KCNIP4: variants seen among roughly 807,000 people sequenced by gnomAD.
KCNIP4 encodes potassium voltage-gated channel interacting protein 4.
KCNIP4 carries 12 observed loss-of-function variants against 34.0 expected under a neutral mutation model. That is an observed-to-expected ratio of 0.35 (90% CI 0.23 to 0.57). KCNIP4 has a LOEUF of 0.57. Ranked by LOEUF, KCNIP4 falls within the 20% of genes least tolerant of loss-of-function variation. The probability of loss-of-function intolerance (pLI) is 0.83; values close to 1 mark genes in which losing one functional copy is unlikely to be tolerated. For missense variants in KCNIP4, 238 were observed against 311.7 expected, an observed-to-expected ratio of 0.76 and a Z score of 1.78; for synonymous variants, 124 against 102.2, an observed-to-expected ratio of 1.21 and a Z score of -1.29.
chr4:21,215,011 C>T (rs1757458640), intron 1 of KCNIP4, among the ~76,000 whole-genome samples: 1 of 152,100 alleles, frequency 6.6e-6, no homozygotes. Context: ...ATGCAGTGTT[C>T]ACTAGTAGCC....
chr4:20,789,976 G>A (rs189721384), intron 3 of KCNIP4, among the ~76,000 whole-genome samples: 10 of 152,192 alleles, frequency 6.6e-5, no homozygotes, highest in Admixed American at 6.5e-4. Context: ...ACTTAATGAT[G>A]GAGATACTTT....
rs530633802 is a variant in KCNIP4 at position 21,125,505 on chromosome 4, G to A, written c.62-242796C>T. Among the ~76,000 whole-genome samples the A allele has an allele frequency of 5.3e-5, 8 of 152,150 alleles. No homozygotes were observed. The South Asian group carries it at 6.2e-4, about 12-fold the overall frequency. On this transcript the variant is annotated intron_variant, in intron 1 of 8. Transcript: ENST00000382152. Reference sequence around the variant, plus strand: ...GTTGGGATTCCAGGTGTGAGCCAACGCGCCTGGCCCATCAGGGCTTTATTA... The same window carrying A: ...GTTGGGATTCCAGGTGTGAGCCAACACGCCTGGCCCATCAGGGCTTTATTA...
intron 3 of KCNIP4, among the ~76,000 whole-genome samples, chr4:20,818,523 T>A (rs1054244115): frequency 6.6e-6 from 1 of 152,166 alleles, no homozygotes; most frequent in Non-Finnish European, 1.5e-5. Context: ...GGGGGACTTT[T>A]TGGAAGCTGC....
intron 1 of KCNIP4, among the ~76,000 whole-genome samples, chr4:21,911,922 C>T (rs935135602): frequency 2.0e-5 from 3 of 152,074 alleles, no homozygotes; most frequent in Non-Finnish European, 2.9e-5. Flanking sequence ...GATACTAATA[C>T]ATACTTTCAT....
At position 20,956,571 on chromosome 4, in the gene KCNIP4, CTTTA is replaced by C. The variant is rs1216714140; in HGVS notation, c.62-73866_62-73863del. 2.0e-5 allele frequency among the ~76,000 whole-genome samples: 3 copies of C among 152,000 alleles called. No individual in the cohort carries two copies. The East Asian group carries it at 5.8e-4, about 29-fold the overall frequency. ...TTATGGCTTTATTCATTTCTTGCCA[CTTTA>C]TTTAAGGTGATGTTCAAAAATGTAC... On this transcript the variant is annotated intron_variant, in intron 1 of 8. Transcript: ENST00000382152.
chr4:21,320,254 A>G (rs1714226195), intron 1 of KCNIP4, among the ~76,000 whole-genome samples: 1 of 152,346 alleles, frequency 6.6e-6, no homozygotes, highest in African/African-American at 2.4e-5. Context: ...AGGCATCTAA[A>G]TAATTACATT....
chr4:21,248,053 T>TAC (rs1418675812), intron 1 of KCNIP4, among the ~76,000 whole-genome samples: 3 of 68,506 alleles, frequency 4.4e-5, no homozygotes, highest in African/African-American at 1.0e-4. Flanking sequence ...GTGGAGCATA[T>TAC]ATATATATGT....
At chr4:21,220,592 C>T (rs1013223201) in intron 1 of KCNIP4, among the ~76,000 whole-genome samples, 2 of 151,740 alleles carry the variant, frequency 1.3e-5, no homozygotes, top group Non-Finnish European at 2.9e-5. Context: ...AAGAAGTTCT[C>T]TTTTTTTACA....
chr4:21,468,935 G>A (rs1730224709), intron 1 of KCNIP4, among the ~76,000 whole-genome samples: 1 of 152,128 alleles, frequency 6.6e-6, no homozygotes, highest in Non-Finnish European at 1.5e-5. Flanking sequence ...ACACACAGCA[G>A]TGATTCTCCA....
chr4:21,481,012 G>A (rs1731382371), intron 1 of KCNIP4, among the ~76,000 whole-genome samples: 2 of 152,144 alleles, frequency 1.3e-5, no homozygotes, highest in African/African-American at 4.8e-5. Flanking sequence ...AGTACTGCCA[G>A]ATATCAAAAC....
At chr4:20,741,422 A>C (rs868687836) in intron 5 of KCNIP4, among the ~76,000 whole-genome samples, 4 of 152,242 alleles carry the variant, frequency 2.6e-5, no homozygotes, top group Non-Finnish European at 5.9e-5. Context: ...AACTCACTCA[A>C]AACTGCACAA....
At chr4:21,677,816 G>A (rs1156881875) in intron 1 of KCNIP4, among the ~76,000 whole-genome samples, 1 of 152,110 alleles carries the variant, frequency 6.6e-6, no homozygotes, top group Non-Finnish European at 1.5e-5. Context: ...GCGGCACGAT[G>A]TTGGCTCACT....
chr4:21,791,398 A>G (rs28522334), intron 1 of KCNIP4, among the ~76,000 whole-genome samples: 24,673 of 152,122 alleles, frequency 0.16, 4,962 homozygotes, highest in African/African-American at 0.48. Context: ...GGCAGAAGGT[A>G]GAGGGGACAT....
At position 21,757,190 on chromosome 4, in the gene KCNIP4, GGAAGGAAGGAAAGAAAGAAA is replaced by G. The variant is rs1227504980; in HGVS notation, c.61+191361_61+191380del. ...AAGAAGGAAGGAAGGAAGGAAGGAA[GGAAGGAAGGAAAGAAAGAAA>G]GAAAGAAAGAAAGAAAGAAAGAAAG... On this transcript the variant is annotated intron_variant, in intron 1 of 8. Transcript: ENST00000382152. Among the ~76,000 whole-genome samples, 90 of 34,808 alleles carry G rather than the reference GGAAGGAAGGAAAGAAAGAAA, an allele frequency of 2.6e-3. 3 individuals are homozygous for G. Among genetic ancestry groups the G allele is most frequent in the Middle Eastern group, 0.013 (1 of 76 alleles). The allele number at this position is 34,808 out of a possible 152,430, so 22.8% of individuals were successfully genotyped here. A position where few individuals can be genotyped will look rare whatever the true frequency, so the allele number is the denominator to read the frequency against.
intron 1 of KCNIP4, among the ~76,000 whole-genome samples, chr4:21,073,339 TCTC>T (rs1745159056): frequency 1.3e-5 from 2 of 152,318 alleles, no homozygotes; most frequent in African/African-American, 4.8e-5. Flanking sequence ...GGTTTGTAGT[TCTC>T]CTTGAAGAGG....
intron 1 of KCNIP4, among the ~76,000 whole-genome samples, chr4:21,424,591 GAAAGAAAGAGAGAA>G (rs1392687423): frequency 6.8e-6 from 1 of 147,668 alleles, no homozygotes; most frequent in Non-Finnish European, 1.5e-5. Context: ...AAGAAAGAAA[GAAAGAAAGAGAGAA>G]AAAGAAAGAA....
intron 1 of KCNIP4, among the ~76,000 whole-genome samples, chr4:21,103,387 T>G (rs1748136725): frequency 6.8e-6 from 1 of 147,196 alleles, no homozygotes; most frequent in Non-Finnish European, 1.5e-5. Flanking sequence ...ATATTTTATA[T>G]ATATATCTCC....
At chr4:21,324,831 T>C (rs772659697) in intron 1 of KCNIP4, among the ~76,000 whole-genome samples, 10 of 151,954 alleles carry the variant, frequency 6.6e-5, no homozygotes, top group Non-Finnish European at 1.3e-4. Context: ...TTGCATCAAA[T>C]CCATGGATTG....
chr4:21,287,524 C>A, intron 1 of KCNIP4, among the ~76,000 whole-genome samples: 1 of 152,140 alleles, frequency 6.6e-6, no homozygotes. Context: ...TCATAATAAT[C>A]CCCTGAAACA....
Sources: gnomAD v4.1 joint callset for allele counts (sites outside exome capture counted in the v4.1 genomes callset) on GRCh38, gnomAD v4.1.1 for gene constraint, MANE v1.5 for transcripts, NCBI Gene and HGNC (gene_info 2026-07-23, HGNC 2026-07-21) for gene names.